Variants in PCDH11X observed in about 807,000 individuals in gnomAD.
The protein encoded by PCDH11X is protocadherin-11 X-linked.
A neutral mutation model predicts 53.3 loss-of-function variants in PCDH11X; 18 were observed. The observed-to-expected ratio is 0.34, with a 90% CI of 0.23 to 0.50. The LOEUF is 0.50. Ranked by LOEUF, PCDH11X falls within the 20% of genes least tolerant of loss-of-function variation. PCDH11X has a pLI of 0.98. For missense variants in PCDH11X, 570 were observed against 1,032.4 expected, an observed-to-expected ratio of 0.55 and a Z score of 6.14; for synonymous variants, 279 against 393.3, an observed-to-expected ratio of 0.71 and a Z score of 3.44.
At chrX:92,328,358 C>T (rs1303082365) in intron 8 of PCDH11X, among the ~76,000 whole-genome samples, 2 of 109,677 alleles carry the variant, frequency 1.8e-5, no homozygotes, top group East Asian at 5.7e-4. Flanking sequence ...ACAAGAAGAT[C>T]TCAAATTAAC....
intron 9 of PCDH11X, among the ~76,000 whole-genome samples, chrX:92,430,735 A>C (rs955339028): frequency 1.1e-4 from 12 of 108,183 alleles, no homozygotes; most frequent in Middle Eastern, 4.3e-3. Context: ...ATCATACTGC[A>C]GTTTGTCATA....
At chrX:92,245,475 A>G (rs2067332154) in intron 7 of PCDH11X, among the ~76,000 whole-genome samples, 1 of 112,719 alleles carries the variant, frequency 8.9e-6, no homozygotes, top group African/African-American at 3.2e-5. Context: ...AAGTTGCCAG[A>G]CTATTTTGAC....
intron 8 of PCDH11X, among the ~76,000 whole-genome samples, chrX:92,364,935 AAAT>A (rs1217031378): frequency 7.9e-4 from 64 of 80,727 alleles, no homozygotes; most frequent in South Asian, 1.5e-3. Context: ...AAAAAAAAAA[AAAT>A]TTCTTTCTTT....
At chrX:91,781,864 C>A (rs905492379) in intron 1 of PCDH11X, among the ~76,000 whole-genome samples, 19 of 112,674 alleles carry the variant, frequency 1.7e-4, no homozygotes, top group Non-Finnish European at 3.4e-4. Flanking sequence ...ATACCTTTCT[C>A]CCTCGACTAA....
chrX:92,285,652 G>A (rs2068353913), intron 8 of PCDH11X, among the ~76,000 whole-genome samples: 1 of 110,543 alleles, frequency 9.0e-6, no homozygotes, highest in Non-Finnish European at 1.9e-5. Flanking sequence ...TGAAAACAAG[G>A]AAACATATTG....
At chrX:92,316,539 ATAAT>A (rs763001993) in intron 8 of PCDH11X, among the ~76,000 whole-genome samples, 104 of 111,993 alleles carry the variant, frequency 9.3e-4, no homozygotes, top group Admixed American at 2.8e-3. Context: ...TATTTATCCA[ATAAT>A]TAATTCAGTT....
At chrX:92,139,256 TTC>T (rs1369071175) in intron 6 of PCDH11X, among the ~76,000 whole-genome samples, 2 of 101,002 alleles carry the variant, frequency 2.0e-5, no homozygotes, top group Admixed American at 2.1e-4. Flanking sequence ...TTCTTTTTCT[TTC>T]TTTCTTTCTT....
At chrX:92,116,437 C>T (rs1024136646) in intron 6 of PCDH11X, among the ~76,000 whole-genome samples, 2 of 112,040 alleles carry the variant, frequency 1.8e-5, no homozygotes, top group African/African-American at 3.2e-5. Context: ...CTTTTAATAG[C>T]GTTGGAGGCC....
chrX:91,852,551 G>A (rs1206889354), intron 5 of PCDH11X, among the ~76,000 whole-genome samples: 1 of 111,630 alleles, frequency 9.0e-6, no homozygotes, highest in Non-Finnish European at 1.9e-5. Context: ...CGATTTCAGA[G>A]TAAAATTTCT....
At chrX:92,190,211 C>A (rs954633489) in intron 6 of PCDH11X, among the ~76,000 whole-genome samples, 1 of 111,404 alleles carries the variant, frequency 9.0e-6, no homozygotes, top group Admixed American at 9.6e-5. Context: ...ACATATAAGT[C>A]TTTAACCCAT....
chrX:91,802,131 G>T (rs765458597), intron 1 of PCDH11X, among the ~76,000 whole-genome samples: 37 of 113,249 alleles, frequency 3.3e-4, no homozygotes, highest in Non-Finnish European at 5.4e-4. Context: ...GAAAGATGGA[G>T]TAACATGTCT....
intron 5 of PCDH11X, among the ~76,000 whole-genome samples, chrX:91,858,392 G>A (rs1202508802): frequency 1.1e-4 from 12 of 111,569 alleles, no homozygotes; most frequent in African/African-American, 3.6e-4. Flanking sequence ...TTGATATTTG[G>A]CTCCTTGTTT....
At position 92,302,160 on chromosome X, in the gene PCDH11X, T is replaced by C. The variant is rs1312728407; in HGVS notation, c.3144+39017T>C. Among the ~76,000 whole-genome samples, 7 of 111,484 alleles carry C rather than the reference T, an allele frequency of 6.3e-5. No individual in the cohort carries two copies. In the East Asian group the frequency reaches 2.0e-3, roughly 32 times the overall value. ...AGCTGCATTTACCTGAAACTTAGCCTCGACAACAGGAAGTTAGGGGCAGGG... is the reference window on the plus strand; with the variant it reads ...AGCTGCATTTACCTGAAACTTAGCCCCGACAACAGGAAGTTAGGGGCAGGG... On this transcript the variant is annotated intron_variant, in intron 8 of 10. Transcript: ENST00000682573.
chrX:92,408,727 T>C (rs1407397911), intron 9 of PCDH11X, among the ~76,000 whole-genome samples: 2 of 110,221 alleles, frequency 1.8e-5, no homozygotes, highest in Non-Finnish European at 3.8e-5. Flanking sequence ...GGACTACAGG[T>C]GCCTGCCACC....
intron 6 of PCDH11X, among the ~76,000 whole-genome samples, chrX:92,177,805 T>C (rs1170712938): frequency 9.0e-6 from 1 of 111,105 alleles, no homozygotes; most frequent in Non-Finnish European, 1.9e-5. Flanking sequence ...TGGATACATA[T>C]ATACTATATG....
At chrX:92,178,311 T>C (rs1456285505) in intron 6 of PCDH11X, among the ~76,000 whole-genome samples, 1 of 111,661 alleles carries the variant, frequency 9.0e-6, no homozygotes, top group Admixed American at 9.6e-5. Context: ...TAAACTAGGA[T>C]GGCTGCATTC....
chrX:92,264,039 G>A (rs1221520240), intron 8 of PCDH11X, among the ~76,000 whole-genome samples: 1 of 111,691 alleles, frequency 9.0e-6, no homozygotes, highest in Non-Finnish European at 1.9e-5. Flanking sequence ...CTTTGCTGTT[G>A]CTAAGTTAAA....
intron 9 of PCDH11X, chrX:92,460,095 T>C: frequency 1.9e-6 from 2 of 1,056,535 alleles, no homozygotes; most frequent in Non-Finnish European, 1.3e-6. Flanking sequence ...TCGCAAATAC[T>C]GTGGACAATG....
At chrX:92,518,530 C>G (rs1248092721) in intron 10 of PCDH11X, among the ~76,000 whole-genome samples, 4 of 111,260 alleles carry the variant, frequency 3.6e-5, no homozygotes. Context: ...TTAAAAGGAG[C>G]CAATGTTTTA....
Sources: gnomAD v4.1 joint callset for allele counts (sites outside exome capture counted in the v4.1 genomes callset) on GRCh38, gnomAD v4.1.1 for gene constraint, MANE v1.5 for transcripts, NCBI Gene and HGNC (gene_info 2026-07-23, HGNC 2026-07-21) for gene names.